Variants in ZNF407 observed in about 807,000 individuals in gnomAD.
ZNF407 encodes the protein zinc finger protein 407.
Under a neutral mutation model 131.2 loss-of-function variants are expected in ZNF407, and 17 were observed. The ratio of observed to expected loss-of-function variants is 0.13; its 90% CI spans 0.09 to 0.19. ZNF407 has a LOEUF of 0.19. Among genes scored for constraint, ZNF407 ranks in the 10% least tolerant of loss-of-function variants. The pLI, the probability that ZNF407 is intolerant of heterozygous loss-of-function variation, is 1.00. For synonymous variants in ZNF407, 1,156 were observed against 1,062.0 expected, an observed-to-expected ratio of 1.09 and a Z score of -1.72; for missense variants, 2,681 against 2,830.6, an observed-to-expected ratio of 0.95 and a Z score of 1.20.
chr18:75,020,365 A>C (rs1338788588), intron 8 of ZNF407, among the ~76,000 whole-genome samples: 1 of 151,562 alleles, frequency 6.6e-6, no homozygotes, highest in Non-Finnish European at 1.5e-5. Flanking sequence ...ATCTGGTACT[A>C]TCTGTGATTT....
At chr18:74,784,715 C>T (rs1350087648) in intron 4 of ZNF407, among the ~76,000 whole-genome samples, 1 of 152,158 alleles carries the variant, frequency 6.6e-6, no homozygotes, top group South Asian at 2.1e-4. Flanking sequence ...TGAAAGTATT[C>T]GCTATTTTAA....
chr18:74,999,818 G>T (rs112081573), intron 8 of ZNF407, among the ~76,000 whole-genome samples: 1 of 152,040 alleles, frequency 6.6e-6, no homozygotes, highest in African/African-American at 2.4e-5. Context: ...ACTTTATTTT[G>T]CAACTTTAAT....
At chr18:74,755,796 TTTCATTCA>T (rs1390602483) in intron 3 of ZNF407, among the ~76,000 whole-genome samples, 1 of 141,290 alleles carries the variant, frequency 7.1e-6, no homozygotes, top group Non-Finnish European at 1.5e-5. Flanking sequence ...TCCTTCCTTC[TTTCATTCA>T]TTCGTTCATT....
chr18:74,724,238 G>A (rs1020643938), intron 3 of ZNF407, among the ~76,000 whole-genome samples: 1 of 151,972 alleles, frequency 6.6e-6, no homozygotes, highest in Non-Finnish European at 1.5e-5. Flanking sequence ...CATATTTGGG[G>A]ATATAGTTTG....
At chr18:74,757,583 T>C (rs981068056) in intron 3 of ZNF407, among the ~76,000 whole-genome samples, 1 of 152,132 alleles carries the variant, frequency 6.6e-6, no homozygotes, top group Admixed American at 6.5e-5. Context: ...ATATGATCAG[T>C]TCTGGAGGCT....
intron 8 of ZNF407, among the ~76,000 whole-genome samples, chr18:74,953,539 A>G (rs1272999563): frequency 2.0e-5 from 3 of 151,978 alleles, no homozygotes; most frequent in Non-Finnish European, 4.4e-5. Context: ...ATTACATTTC[A>G]TTCCTGATAG....
intron 3 of ZNF407, among the ~76,000 whole-genome samples, chr18:74,692,610 T>C (rs943008253): frequency 6.6e-6 from 1 of 152,276 alleles, no homozygotes; most frequent in Non-Finnish European, 1.5e-5. Context: ...TTGTTGGTCT[T>C]GGGGAGGAGT....
chr18:75,049,562 GT>G (rs1201419838), intron 8 of ZNF407, among the ~76,000 whole-genome samples: 1 of 152,088 alleles, frequency 6.6e-6, no homozygotes, highest in African/African-American at 2.4e-5. Flanking sequence ...GGTCGTTCAG[GT>G]TTTTTTAATA....
At chr18:74,684,102 G>C (rs931256438) in intron 3 of ZNF407, among the ~76,000 whole-genome samples, 1 of 152,128 alleles carries the variant, frequency 6.6e-6, no homozygotes, top group African/African-American at 2.4e-5. Context: ...ATAAGTTTCT[G>C]TAAAGTCTGG....
At position 74,632,293 on chromosome 18, in the gene ZNF407, A is replaced by G; in HGVS notation, c.1274A>G (p.Asn425Ser). 6.2e-7 allele frequency: 1 copy of G among 1,613,982 alleles called. No individual in the cohort carries two copies. The highest frequency in any genetic ancestry group is 8.5e-7 in the Non-Finnish European group (1 of 1,179,890). Residue 425 changes from asparagine (N) to serine (S), a missense_variant, in exon 2 of 9, where the codon AAT becomes AGT. Transcript: ENST00000299687. ...RPERNILVLG[N>S]SFRRRSSTFT... ...GAGCGAAATATTCTCGTGTTGGGTA[A>G]TAGCTTTCGTCGACGAAGCAGCACT...
chr18:74,722,777 CTGT>C (rs1968069382), intron 3 of ZNF407, among the ~76,000 whole-genome samples: 1 of 152,144 alleles, frequency 6.6e-6, no homozygotes. Context: ...GAAATTGTTG[CTGT>C]TGACAATTTT....
At chr18:74,764,646 G>A (rs1389792147) in intron 3 of ZNF407, among the ~76,000 whole-genome samples, 1 of 152,208 alleles carries the variant, frequency 6.6e-6, no homozygotes, top group Non-Finnish European at 1.5e-5. Flanking sequence ...GGGAGGATGT[G>A]CATAGGTTAT....
At chr18:74,850,419 C>T (rs962338122) in intron 4 of ZNF407, among the ~76,000 whole-genome samples, 2 of 152,102 alleles carry the variant, frequency 1.3e-5, no homozygotes, top group African/African-American at 4.8e-5. Context: ...TTAATTCATA[C>T]TTCTCTGTCT....
chr18:74,661,284 G>C (rs1337107806), intron 3 of ZNF407, among the ~76,000 whole-genome samples: 3 of 151,668 alleles, frequency 2.0e-5, no homozygotes, highest in Admixed American at 1.3e-4. Context: ...AGTAAATTCT[G>C]TATTGGCACC....
chr18:74,598,458 C>G (rs1022893802), intron 1 of ZNF407: 1 of 152,354 alleles, frequency 6.6e-6, no homozygotes, highest in Non-Finnish European at 1.5e-5. Context: ...ACAGATGCTC[C>G]CCTAGCTGCA....
intron 1 of ZNF407, among the ~76,000 whole-genome samples, chr18:74,627,752 ATGTT>A (rs139171681): frequency 0.011 from 1,601 of 151,930 alleles, 29 homozygotes; most frequent in African/African-American, 0.035. Flanking sequence ...TGGTAAAGAA[ATGTT>A]TGTTTGTTCA....
At chr18:75,060,561 G>A (rs1276841002) in intron 8 of ZNF407, among the ~76,000 whole-genome samples, 24 of 143,236 alleles carry the variant, frequency 1.7e-4, no homozygotes, top group South Asian at 4.3e-4. Context: ...GCTGGAGTGC[G>A]ATGGCGCGGT....
intron 7 of ZNF407, among the ~76,000 whole-genome samples, chr18:74,915,713 G>A (rs1407833704): frequency 1.2e-5 from 1 of 85,558 alleles, no homozygotes; most frequent in Non-Finnish European, 2.4e-5. Flanking sequence ...GTGTGTGTGT[G>A]TGTGTGTGCT....
intron 1 of ZNF407, among the ~76,000 whole-genome samples, chr18:74,625,066 A>G (rs1983727356): frequency 6.6e-6 from 1 of 152,214 alleles, no homozygotes; most frequent in African/African-American, 2.4e-5. Flanking sequence ...TTGTATGACT[A>G]CAGTTCCTTT....
Sources: gnomAD v4.1 joint callset for allele counts (sites outside exome capture counted in the v4.1 genomes callset) on GRCh38, gnomAD v4.1.1 for gene constraint, MANE v1.5 for transcripts, NCBI Gene and HGNC (gene_info 2026-07-23, HGNC 2026-07-21) for gene names.